Variants in SOS1 observed in about 807,000 individuals in gnomAD.
The protein encoded by SOS1 is SOS Ras/Rac guanine nucleotide exchange factor 1.
SOS1 carries 25 observed loss-of-function variants against 157.6 expected under a neutral mutation model. The observed-to-expected ratio is 0.16, with a 90% CI of 0.12 to 0.22. SOS1 has a LOEUF of 0.22. Among genes scored for constraint, SOS1 ranks in the 10% least tolerant of loss-of-function variants. SOS1 has a pLI of 1.00. For missense variants in SOS1, 1,237 were observed against 1,599.1 expected, an observed-to-expected ratio of 0.77 and a Z score of 3.86; for synonymous variants, 528 against 534.0, an observed-to-expected ratio of 0.99 and a Z score of 0.16.
In SOS1 at chr2:39,011,984, G is replaced by A. The variant is rs1669487674; in HGVS notation, c.2390+142C>T. 3 of 688,192 alleles carry A rather than the reference G, an allele frequency of 4.4e-6. No homozygotes were observed. In the South Asian group the frequency reaches 4.8e-5, roughly 11 times the overall value. 42.6% of individuals were successfully genotyped at this position (688,192 alleles called of 1,614,324 possible). ...CCAGGGGAGTAAAAGAACAGGAACT[G>A]CCTGCCTGGCCTTATTACTAGACAC... is the stretch of plus-strand genomic sequence containing the variant. On this transcript the variant is annotated intron_variant, in intron 14 of 22. Transcript: ENST00000402219.
intron 1 of SOS1, among the ~76,000 whole-genome samples, chr2:39,072,091 T>C (rs1455133799): frequency 6.6e-6 from 1 of 152,236 alleles, no homozygotes; most frequent in Non-Finnish European, 1.5e-5. Context: ...CTGTTAGGTA[T>C]TGGATATACA....
chr2:39,040,595 T>C (rs896751699), intron 6 of SOS1, among the ~76,000 whole-genome samples: 17 of 152,238 alleles, frequency 1.1e-4, no homozygotes, highest in Non-Finnish European at 1.5e-4. Flanking sequence ...CCTTTTGTGT[T>C]TGGCTTATTT....
chr2:39,043,031 G>A (rs1428606898), intron 6 of SOS1, among the ~76,000 whole-genome samples: 2 of 152,036 alleles, frequency 1.3e-5, no homozygotes, highest in Non-Finnish European at 2.9e-5. Context: ...GGTAGTACTC[G>A]CTATTAGAGT....
chr2:39,041,703 C>G (rs193064504), intron 6 of SOS1, among the ~76,000 whole-genome samples: 1 of 152,252 alleles, frequency 6.6e-6, no homozygotes, highest in African/African-American at 2.4e-5. Flanking sequence ...GTACATGGTT[C>G]CAACTTCATT....
intron 1 of SOS1, among the ~76,000 whole-genome samples, chr2:39,111,114 T>A (rs1673417816): frequency 6.6e-6 from 1 of 152,094 alleles, no homozygotes. Flanking sequence ...ATGCCTGTAA[T>A]CCCAGCTAAT....
rs1669491713 is a variant in SOS1 at position 39,012,148 on chromosome 2, A to C, written c.2368T>G (p.Leu790Val). The C allele has an allele frequency of 6.2e-7, 1 of 1,612,540 alleles. No individual in the cohort carries two copies. The highest frequency in any genetic ancestry group is 8.5e-7 in the Non-Finnish European group (1 of 1,178,708). Residue 790 changes from leucine (L) to valine (V), a missense_variant, in exon 14 of 23, where the codon TTA (leucine) becomes GTA (valine). Physicochemically the swap from Leu to Val is conservative, Grantham distance 32. This residue lies in a region of SOS1 where 105 missense variants were observed against 236.0 expected (regional missense o/e 0.44). Coordinates refer to ENST00000402219, the MANE Select transcript of SOS1 (RefSeq NM_005633.4). Reference protein sequence around the residue: ...HPIEIARQLTLLESDLYRAVQ... With the variant: ...HPIEIARQLTVLESDLYRAVQ... ...TACCGGTATAGATCTGATTCAAGTA[A>C]AGTGAGTTGTCGAGCAATTTCTATT...
chr2:39,055,065 C>A (rs746303174), intron 4 of SOS1, among the ~76,000 whole-genome samples: 1 of 152,206 alleles, frequency 6.6e-6, no homozygotes, highest in Non-Finnish European at 1.5e-5. Context: ...ATCTGTCTGT[C>A]TCTCTTGTTA....
At chr2:39,014,477 C>A (rs550007045) in intron 11 of SOS1, among the ~76,000 whole-genome samples, 120 of 152,186 alleles carry the variant, frequency 7.9e-4, no homozygotes, top group Non-Finnish European at 1.6e-3. Flanking sequence ...ACATCTAACT[C>A]ATCAGAATTT....
intron 20 of SOS1, chr2:38,993,870 G>A (rs1668811581): frequency 6.6e-6 from 1 of 152,166 alleles, no homozygotes; most frequent in Non-Finnish European, 1.5e-5. Context: ...ATGTGGAAAT[G>A]GTCATGAAAG....
At chr2:38,991,845 A>G (rs752565659) in intron 20 of SOS1, among the ~76,000 whole-genome samples, 12 of 152,228 alleles carry the variant, frequency 7.9e-5, no homozygotes, top group Non-Finnish European at 1.5e-4. Context: ...AGTGTTTAGC[A>G]AGGAATAAGA....
intron 2 of SOS1, among the ~76,000 whole-genome samples, chr2:39,064,133 G>A (rs890794440): frequency 2.6e-5 from 4 of 151,920 alleles, no homozygotes; most frequent in African/African-American, 9.7e-5. Flanking sequence ...CCACCACACC[G>A]GCCAAATTTA....
chr2:39,036,469 G>C (rs983609891), intron 6 of SOS1, among the ~76,000 whole-genome samples: 1 of 152,078 alleles, frequency 6.6e-6, no homozygotes, highest in Non-Finnish European at 1.5e-5. Flanking sequence ...TCCCACCTCA[G>C]TCTCCTGAGT....
chr2:39,056,384 T>C (rs868504843), intron 4 of SOS1, among the ~76,000 whole-genome samples: 11 of 151,982 alleles, frequency 7.2e-5, no homozygotes, highest in African/African-American at 2.4e-4. Flanking sequence ...GCCACTGCAC[T>C]CCAGCCTGGG....
At chr2:39,110,117 T>C (rs1673368466) in intron 1 of SOS1, among the ~76,000 whole-genome samples, 1 of 151,382 alleles carries the variant, frequency 6.6e-6, no homozygotes, top group African/African-American at 2.4e-5. Context: ...TCGGTATCCA[T>C]GGGGGATTGG....
intron 8 of SOS1, among the ~76,000 whole-genome samples, chr2:39,031,949 G>A (rs1558478899): frequency 6.6e-6 from 1 of 152,088 alleles, no homozygotes; most frequent in Non-Finnish European, 1.5e-5. Flanking sequence ...ATCTTTAACT[G>A]CTGAAGGAAA....
Position 39,006,536 on chromosome 2 carries a change from G to T in SOS1, c.2674-7C>A. ...TCTGGCGACTTGGTATTTGCTATAA[G>T]GAAAAAAAATAGGCGTAAGTTTACA... On this transcript the variant is annotated splice_region_variant and splice_polypyrimidine_tract_variant and intron_variant, in intron 16 of 22. Transcript: ENST00000402219. 1 of 1,438,044 alleles carries T rather than the reference G, an allele frequency of 7.0e-7. No individual in the cohort carries two copies. Among genetic ancestry groups the T allele is most frequent in the Non-Finnish European group, 9.8e-7 (1 of 1,021,318 alleles). The allele number at this position is 1,438,044 out of a possible 1,614,324, so 89.1% of individuals were successfully genotyped here.
At chr2:39,073,175 T>A (rs142425880) in intron 1 of SOS1, among the ~76,000 whole-genome samples, 31 of 152,356 alleles carry the variant, frequency 2.0e-4, no homozygotes, top group Middle Eastern at 3.4e-3. Context: ...ACAGAATAGG[T>A]TACCCTGTCA....
intron 14 of SOS1, among the ~76,000 whole-genome samples, chr2:39,011,402 A>C (rs1374878319): frequency 2.0e-5 from 3 of 152,172 alleles, no homozygotes; most frequent in Non-Finnish European, 2.9e-5. Context: ...AGGGTACAGT[A>C]ATCAATGCAT....
chr2:39,021,525 G>A (rs1572829021), intron 10 of SOS1, among the ~76,000 whole-genome samples: 7 of 104,696 alleles, frequency 6.7e-5, no homozygotes, highest in African/African-American at 1.1e-4. Flanking sequence ...TGCTCTACAG[G>A]AAAAAAAAAA....
Sources: gnomAD v4.1 joint callset for allele counts (sites outside exome capture counted in the v4.1 genomes callset) on GRCh38, gnomAD v4.1.1 for gene constraint, gnomAD v4.1.1 regional missense constraint, MANE v1.5 for transcripts, NCBI Gene and HGNC (gene_info 2026-07-23, HGNC 2026-07-21) for gene names.